The following SLC9A9 variants were observed in gnomAD, a reference collection of about 807,000 sequenced individuals.
SLC9A9 encodes the protein solute carrier family 9 member A9.
In SLC9A9, 62 loss-of-function variants were observed where a neutral mutation model predicts 77.8. The observed-to-expected ratio is 0.80, with a 90% CI of 0.65 to 0.98. The LOEUF (loss-of-function observed/expected upper bound fraction) is 0.98, where lower values mean the gene tolerates loss of function less well. Ranked by LOEUF, SLC9A9 falls within the 50% of genes least tolerant of loss-of-function variation. The probability of loss-of-function intolerance (pLI) is 0.00; values close to 1 mark genes in which losing one functional copy is unlikely to be tolerated. For synonymous variants in SLC9A9, 320 were observed against 283.5 expected (o/e 1.13, Z -1.29); for missense variants, 775 against 774.9 (o/e 1.00, Z 0.00).
At chr3:143,667,232 A>T (rs1047417408) in intron 5 of SLC9A9, among the ~76,000 whole-genome samples, 2 of 152,268 alleles carry the variant, frequency 1.3e-5, no homozygotes, top group Admixed American at 1.3e-4. Context: ...AAATGGGGAA[A>T]GGATTCCCTA....
intron 14 of SLC9A9, among the ~76,000 whole-genome samples, chr3:143,351,158 C>A (rs951154949): frequency 2.6e-5 from 4 of 152,076 alleles, no homozygotes; most frequent in African/African-American, 4.8e-5. Flanking sequence ...ATGCACACAC[C>A]CCTGAAACAA....
At chr3:143,365,670 G>A (rs1275738104) in intron 13 of SLC9A9, among the ~76,000 whole-genome samples, 2 of 152,152 alleles carry the variant, frequency 1.3e-5, no homozygotes, top group Non-Finnish European at 2.9e-5. Flanking sequence ...ATTTCCTCAA[G>A]AAAGGAAACC....
chr3:143,638,748 T>C (rs902511114), intron 6 of SLC9A9, among the ~76,000 whole-genome samples: 1 of 152,160 alleles, frequency 6.6e-6, no homozygotes, highest in African/African-American at 2.4e-5. Context: ...CACAGAAAAA[T>C]GGGCCCTGAA....
chr3:143,267,648 T>A (rs1343465892), intron 15 of SLC9A9, among the ~76,000 whole-genome samples: 5 of 152,192 alleles, frequency 3.3e-5, no homozygotes, highest in Non-Finnish European at 7.4e-5. Context: ...CCACCACGCC[T>A]GGCCTCCTGT....
intron 2 of SLC9A9, 86 bp downstream of exon 2, chr3:143,831,933 G>A (rs2009445220): frequency 8.4e-7 from 1 of 1,184,570 alleles, no homozygotes; most frequent in Admixed American, 2.0e-5. Context: ...GTGTGTGAAT[G>A]CATTATATAA....
intron 14 of SLC9A9, among the ~76,000 whole-genome samples, chr3:143,345,074 G>T (rs1445059704): frequency 6.6e-6 from 1 of 152,174 alleles, no homozygotes; most frequent in East Asian, 1.9e-4. Context: ...CATGGATTAG[G>T]TTTGGAAGAT....
intron 4 of SLC9A9, among the ~76,000 whole-genome samples, chr3:143,742,972 C>T (rs1935109262): frequency 6.6e-6 from 1 of 151,994 alleles, no homozygotes; most frequent in Non-Finnish European, 1.5e-5. Context: ...AAGCCTGCTG[C>T]CTTGTTCCTA....
chr3:143,787,863 A>T (rs1220785573), intron 4 of SLC9A9, among the ~76,000 whole-genome samples: 1 of 151,090 alleles, frequency 6.6e-6, no homozygotes, highest in Non-Finnish European at 1.5e-5. Context: ...ATAAATGTAA[A>T]TATATATACT....
At chr3:143,794,321 AT>A (rs34318652) in intron 4 of SLC9A9, among the ~76,000 whole-genome samples, 49,531 of 149,512 alleles carry the variant, frequency 0.33, 8,745 homozygotes, top group African/African-American at 0.48. Context: ...GTACCTGGAC[AT>A]TTTTTTTTTT....
At chr3:143,782,449 A>T (rs2007913572) in intron 4 of SLC9A9, among the ~76,000 whole-genome samples, 1 of 152,234 alleles carries the variant, frequency 6.6e-6, no homozygotes, top group Admixed American at 6.5e-5. Context: ...CGCAATTTAA[A>T]TTGCAAGAGT....
chr3:143,666,943 G>A (rs1428812827), intron 5 of SLC9A9, among the ~76,000 whole-genome samples: 1 of 152,110 alleles, frequency 6.6e-6, no homozygotes, highest in Non-Finnish European at 1.5e-5. Context: ...TCCCCATCAA[G>A]CTACCAATGA....
chr3:143,619,977 G>C (rs1050527686), intron 6 of SLC9A9, among the ~76,000 whole-genome samples: 1 of 152,128 alleles, frequency 6.6e-6, no homozygotes, highest in African/African-American at 2.4e-5. Flanking sequence ...TTCAACCTGG[G>C]TGTCTTTGGT....
chr3:143,693,075 C>T, intron 5 of SLC9A9, 117 bp downstream of exon 5: 1 of 738,430 alleles, frequency 1.4e-6, no homozygotes, highest in Non-Finnish European at 2.3e-6. Flanking sequence ...ATGTCAACTG[C>T]AGGTGAAGAA....
At chr3:143,589,674 C>T (rs923760289) in intron 6 of SLC9A9, among the ~76,000 whole-genome samples, 7 of 152,094 alleles carry the variant, frequency 4.6e-5, no homozygotes, top group Non-Finnish European at 1.0e-4. Flanking sequence ...TAGAATATAT[C>T]CCTGTTTTTA....
chr3:143,576,292 T>C (rs1176866887), intron 7 of SLC9A9, among the ~76,000 whole-genome samples: 3 of 152,214 alleles, frequency 2.0e-5, no homozygotes, highest in Admixed American at 6.5e-5. Flanking sequence ...GTAAAACTTA[T>C]CTGATGATCC....
chr3:143,309,254 C>T (rs1302051695), intron 14 of SLC9A9, among the ~76,000 whole-genome samples: 1 of 152,104 alleles, frequency 6.6e-6, no homozygotes, highest in Non-Finnish European at 1.5e-5. Context: ...GAATGACTTG[C>T]CTAGGGTCAT....
chr3:143,443,620 G>A (rs571552838), intron 12 of SLC9A9, among the ~76,000 whole-genome samples: 1 of 152,224 alleles, frequency 6.6e-6, no homozygotes, highest in South Asian at 2.1e-4. Context: ...TTTTTCATGT[G>A]TAAGGACAGA....
intron 4 of SLC9A9, chr3:143,698,245 T>C (rs1933697371): frequency 6.5e-6 from 1 of 153,740 alleles, no homozygotes. Flanking sequence ...CTGAGGTTAG[T>C]GACAGCCTGG....
intron 8 of SLC9A9, among the ~76,000 whole-genome samples, chr3:143,568,163 T>C (rs576107765): frequency 1.3e-5 from 2 of 152,138 alleles, no homozygotes; most frequent in Non-Finnish European, 2.9e-5. Flanking sequence ...AATAAATAAA[T>C]AGAGGGTCTC....
Sources: gnomAD v4.1 joint callset for allele counts (sites outside exome capture counted in the v4.1 genomes callset) on GRCh38, gnomAD v4.1.1 for gene constraint, MANE v1.5 for transcripts, NCBI Gene and HGNC (gene_info 2026-07-23, HGNC 2026-07-21) for gene names.